The following TTN variants were observed in gnomAD, a reference collection of about 807,000 sequenced individuals.
TTN encodes the protein connectin.
TTN carries 1,525 observed loss-of-function variants against 3,223.0 expected under a neutral mutation model. That is an observed-to-expected ratio of 0.47 (90% confidence interval 0.45 to 0.49). TTN has a LOEUF of 0.49. Ranked by LOEUF, TTN falls within the 20% of genes least tolerant of loss-of-function variation. The probability of loss-of-function intolerance (pLI) is 0.00; values close to 1 mark genes in which losing one functional copy is unlikely to be tolerated. For missense variants in TTN, 40,786 were observed against 43,424.0 expected (o/e 0.94, Z 5.40); for synonymous variants, 14,094 against 15,161.0 (o/e 0.93, Z 5.17).
At chr2:178,689,458 C>A (rs1230728371) in intron 123 of TTN, 57 bp downstream of exon 123, 16 of 1,600,612 alleles carry the variant, frequency 1.0e-5, no homozygotes, top group Non-Finnish European at 1.2e-5. Flanking sequence ...AGAAGACATG[C>A]AATTAAAGAG....
rs1251516038 is a variant in TTN at position 178,732,278 on chromosome 2, G to C, written c.16691C>G (p.Ala5564Gly). Residue 5564 changes from alanine to glycine, a missense_variant, in exon 57 of 363, where the codon GCC (alanine) becomes GGC (glycine). Coordinates refer to ENST00000589042, the MANE Select transcript of TTN (RefSeq NM_001267550.2). ...TGGAGGGGTACCAGTTACTTTGCAG[G>C]CTAGCTGGGTGGCATCTCCCTTCTT... ...LLKKGDATQL[A>G]CKVTGTPPIK... 1 of 1,613,474 alleles carries C rather than the reference G, an allele frequency of 6.2e-7. No individual in the cohort carries two copies.
Position 178,579,070 on chromosome 2 carries a change from C to G in TTN, c.67960G>C (p.Asp22654His), listed in dbSNP as rs144295295. 99 of 1,613,316 alleles carry G rather than the reference C, an allele frequency of 6.1e-5. 1 individual carries two copies. In the East Asian group the frequency reaches 2.2e-3, roughly 35 times the overall value. The change falls in exon 320 of 363, where the codon GAT (aspartate) becomes CAT (histidine). Residue 22654 changes from aspartate (D) to histidine (H), a missense_variant. By Grantham distance (81) the Asp-to-His change is moderately conservative. Transcript: ENST00000589042. ...PGIPTGPIKFDEVTAEAMTLK... is the reference protein window; with the variant it reads ...PGIPTGPIKFHEVTAEAMTLK... ...GTCATGGCTTCTGCTGTGACTTCATCAAATTTGATTGGTCCAGTGGGGATG... is the reference window on the plus strand; with the variant it reads ...GTCATGGCTTCTGCTGTGACTTCATGAAATTTGATTGGTCCAGTGGGGATG...
intron 326 of TTN, 63 bp from the exon 327 acceptor site, chr2:178,558,700 T>C (rs2154156909): frequency 6.8e-7 from 1 of 1,479,974 alleles, no homozygotes; most frequent in East Asian, 2.3e-5. Flanking sequence ...ATGTGCACTC[T>C]TCATGTATTG....
rs367642533 is a variant in TTN at position 178,579,010 on chromosome 2, A to T, written c.68020T>A (p.Ser22674Thr). 1.9e-6 allele frequency: 3 copies of T among 1,613,110 alleles called. No individual in the cohort carries two copies. The highest frequency in any genetic ancestry group is 2.7e-5 in the African/African-American group (2 of 74,860). ...KWAPPKDDGGSEITNYILEKR... is the reference protein window; with the variant it reads ...KWAPPKDDGGTEITNYILEKR... ...TCTAGGATATAGTTGGTGATTTCAG[A>T]ACCTCCATCATCCTTTGGAGGAGCC... The change falls in exon 320 of 363, where the codon TCT becomes ACT. Residue 22674 changes from serine to threonine, a missense_variant. Physicochemically the swap from Ser to Thr is moderately conservative, Grantham distance 58. Coordinates refer to ENST00000589042, the MANE Select transcript of TTN (RefSeq NM_001267550.2).
At chr2:178,627,462 T>G (rs1051916363) in intron 240 of TTN, among the ~76,000 whole-genome samples, 2 of 152,036 alleles carry the variant, frequency 1.3e-5, no homozygotes, top group Non-Finnish European at 2.9e-5. Context: ...AAAATGATTT[T>G]ATTACTTCAA....
chr2:178,528,876 A>T lies in TTN; in HGVS notation c.106875T>A (p.Val35625=). Residue 35625 remains valine, a synonymous_variant, in exon 360 of 363, where the codon GTT becomes GTA. Coordinates refer to ENST00000589042, the MANE Select transcript of TTN (RefSeq NM_001267550.2). ...TGGCACCAGCAATGTTGGCTTTTAA[A>T]ACCAGTCTTTGACCTTCGTTTATGC... ...QMSINEGQRL[V]LKANIAGATD... 1 of 1,613,980 alleles carries T rather than the reference A, an allele frequency of 6.2e-7. No homozygotes were observed. The highest frequency in any genetic ancestry group is 8.5e-7 in the Non-Finnish European group (1 of 1,179,874).
intron 21 of TTN, 112 bp downstream of exon 21, chr2:178,781,009 G>A: frequency 6.9e-7 from 1 of 1,441,472 alleles, no homozygotes; most frequent in South Asian, 1.2e-5. Flanking sequence ...AGACACTGGG[G>A]CAAAGTATCA....
Position 178,719,568 on chromosome 2 carries a change from G to A in TTN, c.23924C>T (p.Ser7975Phe). The change falls in exon 82 of 363, where the codon TCC becomes TTC. Residue 7975 changes from serine to phenylalanine, a missense_variant. Transcript: ENST00000589042. ...ATTCTACTCACCAGAAACATGGACGGATACAGTGCAGTTACTTTTGCCAAC... is the reference window on the plus strand; with the variant it reads ...ATTCTACTCACCAGAAACATGGACGAATACAGTGCAGTTACTTTTGCCAAC... ...NSVGKSNCTV[S>F]VHVSDRIVPP... The A allele has an allele frequency of 6.2e-7, 1 of 1,608,014 alleles. No homozygotes were observed. The highest frequency in any genetic ancestry group is 8.5e-7 in the Non-Finnish European group (1 of 1,175,584).
intron 223 of TTN, 86 bp from the exon 224 acceptor site, chr2:178,637,505 C>T (rs2060652958): frequency 4.1e-6 from 3 of 733,810 alleles, no homozygotes; most frequent in African/African-American, 3.7e-5. Context: ...GAGTCATGCT[C>T]CATTATAAAT....
rs774736458 is a variant in TTN, at chr2:178,616,771, G to A, written c.48118C>T (p.Arg16040Cys). 20 of 1,612,336 alleles carry A rather than the reference G, an allele frequency of 1.2e-5. No individual in the cohort carries two copies. Among genetic ancestry groups the A allele is most frequent in the South Asian group, 8.8e-5 (8 of 91,022 alleles). ...KGIYTLKLEN[R>C]VKTISGEIDV... is the part of the protein sequence containing the mutation. ...ATTTCCCCAGAAATTGTTTTCACAC[G>A]GTTTTCTAATTTCAGTGTATAAATG... The change falls in exon 256 of 363, where the codon CGT (arginine) becomes TGT (cysteine). Residue 16040 changes from arginine to cysteine, a missense_variant. Physicochemically the swap from Arg to Cys is radical, Grantham distance 180. Transcript: ENST00000589042.
At position 178,609,424 on chromosome 2, in the gene TTN, GCTT is replaced by G. The variant is rs769201462; in HGVS notation, c.51883_51885del (p.Lys17295del). The G allele has an allele frequency of 2.5e-6, 4 of 1,612,158 alleles. No homozygotes were observed. In the South Asian group the frequency reaches 4.4e-5, roughly 18 times the overall value. ...CTTCTCCTAACCAAGGGTGCTGCAC[GCTT>G]CTTAATTTCCTCTGGTACAATAACA... On this transcript the variant is annotated inframe_deletion, in exon 273 of 363. Transcript: ENST00000589042.
rs757842155 is a variant in TTN, at chr2:178,587,312, T to C, written c.63899A>G (p.His21300Arg). ...PENDGGSQVT[H>R]YIVEKREADR... is the part of the protein sequence containing the mutation. The stretch of plus-strand genomic sequence containing the variant: ...TGCCTCACGTTTCTCCACGATATAA[T>C]GTGTCACTTGGCTCCCACCGTCGTT... The change falls in exon 307 of 363, where the codon CAT becomes CGT. Residue 21300 changes from histidine to arginine, a missense_variant. Physicochemically the swap from His to Arg is conservative, Grantham distance 29 (BLOSUM62 0). Coordinates refer to ENST00000589042, the MANE Select transcript of TTN (RefSeq NM_001267550.2). The C allele has an allele frequency of 3.1e-6, 5 of 1,613,006 alleles. No individual in the cohort carries two copies. The East Asian group carries it at 9.0e-5, about 29-fold the overall frequency.
chr2:178,605,807 C>A, intron 278 of TTN, 94 bp from the exon 279 acceptor site: 1 of 1,151,280 alleles, frequency 8.7e-7, no homozygotes. Context: ...AAAAAATAGC[C>A]TTCTGTTTGG....
In TTN at chr2:178,554,642, A is replaced by T. The variant is rs199821241; in HGVS notation, c.88705T>A (p.Tyr29569Asn). Residue 29569 changes from tyrosine (Y) to asparagine (N), a missense_variant, in exon 332 of 363, where the codon TAC becomes AAC. Transcript: ENST00000589042. ...CTTGTCTCACGCTTTTCCACAATGT[A>T]GTGAGTGATTTTTGCACCACCATCA... ...ADDGGAKITH[Y>N]IVEKRETSRV... is the part of the protein sequence containing the mutation. The T allele has an allele frequency of 1.5e-5, 25 of 1,613,810 alleles. No individual in the cohort carries two copies. The highest frequency in any genetic ancestry group is 2.1e-5 in the Non-Finnish European group (25 of 1,179,856).
chr2:178,563,643 C>T lies in TTN; in HGVS notation c.82489G>A (p.Gly27497Arg), dbSNP rs201158906. 2,094 of 1,613,752 alleles carry T rather than the reference C, an allele frequency of 1.3e-3. 4 individuals are homozygous for T. The highest frequency in any genetic ancestry group is 1.3e-3 in the Non-Finnish European group (1,568 of 1,179,780). The change falls in exon 326 of 363, where the codon GGA becomes AGA. Residue 27497 changes from glycine to arginine, a missense_variant. Gly to Arg is a moderately radical substitution (Grantham distance 125). Transcript: ENST00000589042. The surrounding 1 kb of genome is among the most constrained non-coding windows in gnomAD (Gnocchi z 4.5). Reference sequence around the variant, plus strand: ...ATGTAGCCCTCAATTTCGGTACCTCCGTCGTCTACTGGGCGTGCCCATGTT... The same window carrying T: ...ATGTAGCCCTCAATTTCGGTACCTCTGTCGTCTACTGGGCGTGCCCATGTT... ...VVTWARPVDDGGTEIEGYILE... is the reference protein window; with the variant it reads ...VVTWARPVDDRGTEIEGYILE...
rs1288012324 is a variant in TTN at position 178,657,943 on chromosome 2, ACTT to A, written c.37808_37810del (p.Glu12603del). 8.7e-7 allele frequency: 1 copy of A among 1,152,166 alleles called. No homozygotes were observed. The highest frequency in any genetic ancestry group is 1.1e-6 in the Non-Finnish European group (1 of 869,726). 71.4% of individuals were successfully genotyped at this position (1,152,166 alleles called of 1,614,324 possible). A position where few individuals can be genotyped will look rare whatever the true frequency, so the allele number is the denominator to read the frequency against. The stretch of plus-strand genomic sequence containing the variant: ...CTTAGGAACTTTCTTTTCTGGGACA[ACTT>A]CTTGAGCTTCAGGCACTTGAAAGAT... On this transcript the variant is annotated inframe_deletion, in exon 187 of 363. Coordinates refer to ENST00000589042, the MANE Select transcript of TTN (RefSeq NM_001267550.2).
intron 119 of TTN, 72 bp downstream of exon 119, chr2:178,693,537 A>G (rs2154281057): frequency 1.8e-6 from 2 of 1,097,712 alleles, no homozygotes; most frequent in East Asian, 5.3e-5. Context: ...TAATACTAAC[A>G]TAAATGTTTT....
chr2:178,757,315 A>G (rs1461674057), intron 45 of TTN, among the ~76,000 whole-genome samples: 1 of 126,336 alleles, frequency 7.9e-6, no homozygotes, highest in Non-Finnish European at 1.7e-5. Flanking sequence ...GCCTAATAAA[A>G]TAATTATTGG....
chr2:178,527,461 TA>T lies in TTN; in HGVS notation c.107664del (p.Ala35890GlnfsTer3). ...TATTGCTCACCTCTTATGCCTGCTTTAAGCATTTTACTAGTTGAGCTTTCCA... is the reference window on the plus strand; with the variant it reads ...TATTGCTCACCTCTTATGCCTGCTTTAGCATTTTACTAGTTGAGCTTTCCA... ...TQLESSTSKM[L>X]KAGIRGIPPK... On this transcript the variant is annotated frameshift_variant, in exon 362 of 363. Transcript: ENST00000589042. LOFTEE classifies it high-confidence loss of function. 2 of 1,613,620 alleles carry T rather than the reference TA, an allele frequency of 1.2e-6. No individual in the cohort carries two copies. Among genetic ancestry groups the T allele is most frequent in the Middle Eastern group, 3.3e-4 (2 of 6,062 alleles).
Sources: allele counts gnomAD v4.1 joint callset (sites outside exome capture counted in the v4.1 genomes callset), GRCh38; gene constraint gnomAD v4.1.1; non-coding constraint Gnocchi (gnomAD v3.1); transcripts MANE v1.5; gene names NCBI Gene and HGNC (gene_info 2026-07-23, HGNC 2026-07-21).